Variants in MARCHF11 observed in about 807,000 individuals in gnomAD.
MARCHF11 encodes membrane associated ring-CH-type finger 11, also known as E3 ubiquitin-protein ligase MARCHF11.
Under a neutral mutation model 37.3 loss-of-function variants are expected in MARCHF11, and 29 were observed. That is an observed-to-expected ratio of 0.78 (90% CI 0.58 to 1.06). The LOEUF (loss-of-function observed/expected upper bound fraction) is 1.06, where lower values mean the gene tolerates loss of function less well. MARCHF11 is among the 50% of genes least tolerant of loss of function. The pLI, the probability that MARCHF11 is intolerant of heterozygous loss-of-function variation, is 0.00. For missense variants in MARCHF11, 482 were observed against 533.4 expected, an observed-to-expected ratio of 0.90 and a Z score of 0.95; for synonymous variants, 233 against 228.0, an observed-to-expected ratio of 1.02 and a Z score of -0.20.
Position 16,094,474 on chromosome 5 carries a change from G to C in MARCHF11, c.694-3393C>G, listed in dbSNP as rs114005631. 4.2e-3 allele frequency among the ~76,000 whole-genome samples: 641 copies of C among 152,090 alleles called. 3 individuals carry two copies. Among genetic ancestry groups the C allele is most frequent in the African/African-American group, 0.015 (616 of 41,478 alleles). On this transcript the variant is annotated intron_variant, in intron 2 of 3. Transcript: ENST00000332432. ...AAACTTTTCAGTGAAATATTTCACT[G>C]TCTCCTCTAAAGAGATACATAGGAG...
At chr5:16,129,369 T>C (rs1183991594) in intron 2 of MARCHF11, 2 of 152,172 alleles carry the variant, frequency 1.3e-5, no homozygotes, top group African/African-American at 2.4e-5. Flanking sequence ...TTTGGTTATA[T>C]TGGCATTGCT....
chr5:16,083,451 G>A (rs1477830390), intron 3 of MARCHF11, among the ~76,000 whole-genome samples: 2 of 151,920 alleles, frequency 1.3e-5, no homozygotes, highest in African/African-American at 2.4e-5. Context: ...GCTACCTATC[G>A]ACAACAATCC....
intron 2 of MARCHF11, among the ~76,000 whole-genome samples, chr5:16,153,456 G>A (rs1436339309): frequency 6.6e-6 from 1 of 151,982 alleles, no homozygotes; most frequent in African/African-American, 2.4e-5. Context: ...GACTGTCACT[G>A]TAGGCAACTG....
chr5:16,090,823 G>A, intron 3 of MARCHF11, 66 bp downstream of exon 3: 1 of 1,273,158 alleles, frequency 7.9e-7, no homozygotes, highest in South Asian at 2.1e-5. Context: ...TCCGAATGGT[G>A]AAAACGTAAT....
At position 16,177,956 on chromosome 5, in the gene MARCHF11, T is replaced by G. The variant is rs1036881770; in HGVS notation, c.538-75A>C. The G allele has an allele frequency of 1.1e-5, 16 of 1,424,952 alleles. No homozygotes were observed. The African/African-American group carries it at 2.0e-4, about 18-fold the overall frequency. The allele number at this position is 1,424,952 out of a possible 1,614,324, so 88.3% of individuals were successfully genotyped here. On this transcript the variant is annotated intron_variant, in intron 1 of 3. Transcript: ENST00000332432. ...TAAAAACCTAATGCTTCCTTTCTTT[T>G]CTTTCAAAGCCATTTACTCAGGATA... is the stretch of plus-strand genomic sequence containing the variant.
intron 2 of MARCHF11, among the ~76,000 whole-genome samples, chr5:16,107,917 C>T (rs1203371557): frequency 6.6e-6 from 1 of 152,072 alleles, no homozygotes; most frequent in Non-Finnish European, 1.5e-5. Flanking sequence ...CATCCCCCTT[C>T]CAGCTCCCCA....
chr5:16,129,991 C>T (rs145209332), intron 2 of MARCHF11, among the ~76,000 whole-genome samples: 57 of 152,210 alleles, frequency 3.7e-4, no homozygotes, highest in African/African-American at 1.3e-3. Context: ...GTTACCATCT[C>T]TTCCATTTTT....
intron 2 of MARCHF11, among the ~76,000 whole-genome samples, chr5:16,094,148 A>G (rs923412311): frequency 6.6e-6 from 1 of 152,174 alleles, no homozygotes; most frequent in Non-Finnish European, 1.5e-5. Context: ...TCTGCCCACT[A>G]TATACGGTGC....
chr5:16,170,425 G>A (rs1222387188), intron 2 of MARCHF11, among the ~76,000 whole-genome samples: 3 of 152,058 alleles, frequency 2.0e-5, no homozygotes, highest in Non-Finnish European at 4.4e-5. Flanking sequence ...TACTATCAAG[G>A]CTTTTTTTCT....
rs143028076 is a variant in MARCHF11 at position 16,072,029 on chromosome 5, G to A, written c.887-4236C>T. On this transcript the variant is annotated intron_variant, in intron 3 of 3. Coordinates refer to ENST00000332432, the MANE Select transcript of MARCHF11 (RefSeq NM_001102562.3). ...GGCTGGAGTGCAGTGACGTGATCTC[G>A]GCTCACTGCAAGCTCCGCCTCCCAG... Among the ~76,000 whole-genome samples, 1,412 of 151,930 alleles carry A rather than the reference G, an allele frequency of 9.3e-3. 17 individuals are homozygous for A. The highest frequency in any genetic ancestry group is 0.032 in the African/African-American group (1,332 of 41,420).
intron 2 of MARCHF11, among the ~76,000 whole-genome samples, chr5:16,130,107 C>T (rs1342439153): frequency 6.6e-6 from 1 of 152,064 alleles, no homozygotes; most frequent in East Asian, 1.9e-4. Flanking sequence ...TTCTGTCTAA[C>T]TTCGTTGGGT....
At chr5:16,178,830 A>T (rs904779461) in intron 1 of MARCHF11, among the ~76,000 whole-genome samples, 9 of 152,014 alleles carry the variant, frequency 5.9e-5, no homozygotes. Flanking sequence ...ATGAAATTAA[A>T]CCCAGTATTC....
At chr5:16,120,282 G>A (rs1167253327) in intron 2 of MARCHF11, among the ~76,000 whole-genome samples, 1 of 152,192 alleles carries the variant, frequency 6.6e-6, no homozygotes, top group African/African-American at 2.4e-5. Flanking sequence ...GACTGAAAGA[G>A]TGAATCAACA....
chr5:16,123,131 TA>T (rs1391723885), intron 2 of MARCHF11, among the ~76,000 whole-genome samples: 4 of 152,208 alleles, frequency 2.6e-5, no homozygotes, highest in African/African-American at 4.8e-5. Flanking sequence ...ATTGCCCGCA[TA>T]CAGTATGTTA....
chr5:16,142,469 T>C (rs1579408487), intron 2 of MARCHF11, among the ~76,000 whole-genome samples: 1 of 152,152 alleles, frequency 6.6e-6, no homozygotes, highest in East Asian at 1.9e-4. Flanking sequence ...GGTAAACACA[T>C]AGCAAAATAT....
intron 2 of MARCHF11, among the ~76,000 whole-genome samples, chr5:16,097,421 A>C (rs1396611718): frequency 6.6e-6 from 1 of 152,226 alleles, no homozygotes; most frequent in Non-Finnish European, 1.5e-5. Flanking sequence ...TGCCTAAGAA[A>C]GAGGAAATCT....
At chr5:16,127,505 A>C (rs1392130473) in intron 2 of MARCHF11, among the ~76,000 whole-genome samples, 1 of 152,184 alleles carries the variant, frequency 6.6e-6, no homozygotes, top group Admixed American at 6.5e-5. Context: ...TTTGCCCCCA[A>C]ATCAACACCT....
intron 2 of MARCHF11, among the ~76,000 whole-genome samples, chr5:16,112,017 C>T (rs1432545631): frequency 6.6e-6 from 1 of 152,196 alleles, no homozygotes; most frequent in Non-Finnish European, 1.5e-5. Flanking sequence ...TTGGGAACCT[C>T]CACGTAGACT....
chr5:16,071,994 C>G (rs924711513), intron 3 of MARCHF11, among the ~76,000 whole-genome samples: 3 of 152,092 alleles, frequency 2.0e-5, no homozygotes, highest in Non-Finnish European at 2.9e-5. Flanking sequence ...GAGTCTCGCT[C>G]TGTCACCCAG....
Sources: allele counts gnomAD v4.1 joint callset (sites outside exome capture counted in the v4.1 genomes callset), GRCh38; gene constraint gnomAD v4.1.1; transcripts MANE v1.5; gene names NCBI Gene and HGNC (gene_info 2026-07-23, HGNC 2026-07-21).